Variants in ARHGAP5 observed in about 807,000 individuals in gnomAD.
ARHGAP5 encodes rho GTPase-activating protein 5.
Under a neutral mutation model 116.6 loss-of-function variants are expected in ARHGAP5, and 23 were observed. That is an observed-to-expected ratio of 0.20 (90% CI 0.14 to 0.28). The LOEUF is 0.28. Among genes scored for constraint, ARHGAP5 ranks in the 10% least tolerant of loss-of-function variants. The pLI, the probability that ARHGAP5 is intolerant of heterozygous loss-of-function variation, is 1.00. For missense variants in ARHGAP5, 1,405 were observed against 1,774.8 expected (o/e 0.79, Z 3.74); for synonymous variants, 574 against 602.0 (o/e 0.95, Z 0.68).
chr14:32,080,642 A>AAAAG (rs2041762806), intron 1 of ARHGAP5, among the ~76,000 whole-genome samples: 1 of 152,212 alleles, frequency 6.6e-6, no homozygotes, highest in Admixed American at 6.5e-5. Flanking sequence ...GTAAATAGTT[A>AAAAG]AAAGTATTAA....
At position 32,136,691 on chromosome 14, in the gene ARHGAP5, T is replaced by C. The variant is rs146396798; in HGVS notation, c.3866-9572T>C. On this transcript the variant is annotated intron_variant, in intron 3 of 6. Transcript: ENST00000345122. ...TTAGTAGAGAAGCACCACATTATTTTCTACAGCAGCTACACTATTTTACAT... is the reference window on the plus strand; with the variant it reads ...TTAGTAGAGAAGCACCACATTATTTCCTACAGCAGCTACACTATTTTACAT... Among the ~76,000 whole-genome samples, 425 of 152,330 alleles carry C rather than the reference T, an allele frequency of 2.8e-3. 3 individuals are homozygous for C. Among genetic ancestry groups the C allele is most frequent in the African/African-American group, 9.7e-3 (404 of 41,580 alleles).
intron 3 of ARHGAP5, among the ~76,000 whole-genome samples, chr14:32,133,431 T>C (rs1880613995): frequency 1.3e-5 from 2 of 152,228 alleles, no homozygotes; most frequent in Non-Finnish European, 2.9e-5. Flanking sequence ...ACATTGATTT[T>C]GTATCCTGAG....
chr14:32,135,199 C>G lies in ARHGAP5; in HGVS notation c.3866-11064C>G, dbSNP rs112074058. 2.0e-3 allele frequency among the ~76,000 whole-genome samples: 302 copies of G among 152,308 alleles called. 1 individual carries two copies. The highest frequency in any genetic ancestry group is 7.0e-3 in the African/African-American group (291 of 41,560). The stretch of plus-strand genomic sequence containing the variant: ...CTAGAAAGAAAAAATACCAAACTTT[C>G]ATTGCCCAGGAATTGAGGCTTTTTT... On this transcript the variant is annotated intron_variant, in intron 3 of 6. Coordinates refer to ENST00000345122, the MANE Select transcript of ARHGAP5 (RefSeq NM_001030055.2).
intron 3 of ARHGAP5, among the ~76,000 whole-genome samples, chr14:32,140,087 G>GTTTTTTTTTTTTTTTTTTTT (rs1881028802): frequency 1.7e-4 from 5 of 29,854 alleles, no homozygotes; most frequent in Admixed American, 3.0e-4. Flanking sequence ...TTTTTTTTAG[G>GTTTTTTTTTTTTTTTTTTTT]TTATTTGTTC....
At chr14:32,120,610 T>C (rs1314275735) in intron 3 of ARHGAP5, among the ~76,000 whole-genome samples, 2 of 150,252 alleles carry the variant, frequency 1.3e-5, no homozygotes, top group East Asian at 3.9e-4. Context: ...TAATTTCCTT[T>C]TTTTTTTTTT....
chr14:32,127,082 C>T lies in ARHGAP5; in HGVS notation c.3865+9795C>T, dbSNP rs571944651. ...GTGTAGTCTTGGCTCACTGCGACCT[C>T]CACCTCCTGGGTTCAAGTGATTCTC... On this transcript the variant is annotated intron_variant, in intron 3 of 6. Transcript: ENST00000345122. Among the ~76,000 whole-genome samples the T allele has an allele frequency of 2.0e-5, 3 of 150,938 alleles. No homozygotes were observed. In the South Asian group the frequency reaches 6.3e-4, roughly 32 times the overall value.
At chr14:32,098,122 G>GT (rs1193680993) in intron 2 of ARHGAP5, among the ~76,000 whole-genome samples, 2 of 152,184 alleles carry the variant, frequency 1.3e-5, no homozygotes, top group African/African-American at 4.8e-5. Flanking sequence ...AAATGGAAGA[G>GT]TAAAGGGCTT....
At chr14:32,103,625 G>A (rs1345411628) in intron 2 of ARHGAP5, among the ~76,000 whole-genome samples, 1 of 152,092 alleles carries the variant, frequency 6.6e-6, no homozygotes, top group Non-Finnish European at 1.5e-5. Context: ...CAAGACTATA[G>A]GTAAATTTAT....
At chr14:32,079,914 A>G (rs1416477488) in intron 1 of ARHGAP5, among the ~76,000 whole-genome samples, 1 of 152,190 alleles carries the variant, frequency 6.6e-6, no homozygotes, top group African/African-American at 2.4e-5. Context: ...AGCATTGTAC[A>G]GTGTTGTTTT....
chr14:32,081,675 A>T (rs1042011848), intron 1 of ARHGAP5, among the ~76,000 whole-genome samples: 5 of 152,090 alleles, frequency 3.3e-5, no homozygotes, highest in African/African-American at 1.2e-4. Flanking sequence ...TAAACACGTA[A>T]CGTTGGCATA....
chr14:32,142,881 A>T (rs1427214281), intron 3 of ARHGAP5, among the ~76,000 whole-genome samples: 1 of 152,066 alleles, frequency 6.6e-6, no homozygotes, highest in Non-Finnish European at 1.5e-5. Flanking sequence ...TTGTTGGGGG[A>T]CTGAGTCCTG....
chr14:32,089,131 T>A (rs2041859526), intron 1 of ARHGAP5, among the ~76,000 whole-genome samples: 1 of 151,888 alleles, frequency 6.6e-6, no homozygotes, highest in Admixed American at 6.6e-5. Flanking sequence ...AATATGAGAA[T>A]AAATCTGAAA....
In ARHGAP5 at chr14:32,091,910, A is replaced by T; in HGVS notation, c.1241A>T (p.Tyr414Phe). The T allele has an allele frequency of 6.2e-7, 1 of 1,613,664 alleles. No homozygotes were observed. The highest frequency in any genetic ancestry group is 8.5e-7 in the Non-Finnish European group (1 of 1,179,660). Residue 414 changes from tyrosine to phenylalanine, a missense_variant, in exon 2 of 7, where the codon TAT becomes TTT. This residue lies in a region of ARHGAP5 where 944 missense variants were observed against 1,095.3 expected (regional missense o/e 0.86). Transcript: ENST00000345122. ...AGCACTTTAGAAGCTGAAAAAGTCT[A>T]TCAGAACCATGTACAGCATCTGATA... ...LLSTLEAEKV[Y>F]QNHVQHLISE...
At position 32,093,919 on chromosome 14, in the gene ARHGAP5, G is replaced by A. The variant is rs1263268521; in HGVS notation, c.3250G>A (p.Asp1084Asn). Residue 1084 changes from aspartate (D) to asparagine (N), a missense_variant, in exon 2 of 7, where the codon GAT becomes AAT. This residue lies in a region of ARHGAP5 where 944 missense variants were observed against 1,095.3 expected (regional missense o/e 0.86). Transcript: ENST00000345122. ...CCGGGTGCCTTTGGCACATCCTGAA[G>A]ATATGGATCCTTCAGATAACTATGC... ...TSRVPLAHPE[D>N]MDPSDNYAEP... The A allele has an allele frequency of 6.2e-7, 1 of 1,614,130 alleles. No individual in the cohort carries two copies. Among genetic ancestry groups the A allele is most frequent in the Non-Finnish European group, 8.5e-7 (1 of 1,180,002 alleles).
chr14:32,103,238 G>A (rs888458157), intron 2 of ARHGAP5, among the ~76,000 whole-genome samples: 2 of 152,160 alleles, frequency 1.3e-5, no homozygotes, highest in African/African-American at 4.8e-5. Context: ...ATTTCTGGCA[G>A]TATTTTACTA....
At chr14:32,097,244 T>G (rs2149662) in intron 2 of ARHGAP5, among the ~76,000 whole-genome samples, 1,897 of 152,260 alleles carry the variant, frequency 0.012, 37 homozygotes, top group African/African-American at 0.043. Flanking sequence ...TTTGGGGGAT[T>G]TAATAGCAGA....
intron 3 of ARHGAP5, among the ~76,000 whole-genome samples, chr14:32,131,252 C>CTTTTTTTTTTTTTTTTTTTTTT (rs71441705): frequency 9.6e-6 from 1 of 103,922 alleles, no homozygotes; most frequent in Non-Finnish European, 2.2e-5. Context: ...TGTCATACTT[C>CTTTTTTTTTTTTTTTTTTTTTT]TTTTTTTTTT....
At chr14:32,087,859 G>A (rs1398084903) in intron 1 of ARHGAP5, among the ~76,000 whole-genome samples, 1 of 151,980 alleles carries the variant, frequency 6.6e-6, no homozygotes, top group African/African-American at 2.4e-5. Flanking sequence ...TAATTAGGAT[G>A]TGTTGAAGCC....
chr14:32,109,113 A>G (rs961451684), intron 2 of ARHGAP5, among the ~76,000 whole-genome samples: 1 of 152,186 alleles, frequency 6.6e-6, no homozygotes, highest in Non-Finnish European at 1.5e-5. Context: ...CTTTTAAAAT[A>G]TACATATATA....
Sources: gnomAD v4.1 joint callset for allele counts (sites outside exome capture counted in the v4.1 genomes callset) on GRCh38, gnomAD v4.1.1 for gene constraint, gnomAD v4.1.1 regional missense constraint, MANE v1.5 for transcripts, NCBI Gene and HGNC (gene_info 2026-07-23, HGNC 2026-07-21) for gene names.